Variants in NOVA1 observed in about 807,000 individuals in gnomAD.
NOVA1 encodes the protein NOVA alternative splicing regulator 1, also known as RNA-binding protein Nova-1.
A neutral mutation model predicts 38.0 loss-of-function variants in NOVA1; 7 were observed. The observed-to-expected ratio is 0.18, with a 90% CI of 0.10 to 0.35. The LOEUF is 0.35. NOVA1 is among the 10% of genes least tolerant of loss of function. The pLI, the probability that NOVA1 is intolerant of heterozygous loss-of-function variation, is 1.00. For missense variants in NOVA1, 460 were observed against 616.0 expected (o/e 0.75, Z 2.68); for synonymous variants, 270 against 232.5 (o/e 1.16, Z -1.47).
At chr14:26,566,908 C>T (rs178160) in intron 2 of NOVA1, among the ~76,000 whole-genome samples, 145,132 of 152,216 alleles carry the variant, frequency 0.95, 69,554 homozygotes, top group East Asian at 1. Flanking sequence ...AATCCTTAGA[C>T]AAACATTCAA....
intron 3 of NOVA1, among the ~76,000 whole-genome samples, chr14:26,477,866 T>G (rs1272537719): frequency 6.6e-6 from 1 of 151,990 alleles, no homozygotes; most frequent in African/African-American, 2.4e-5. Context: ...TTACTAGATT[T>G]TTCAAGTAAA....
intron 2 of NOVA1, among the ~76,000 whole-genome samples, chr14:26,545,080 A>AT (rs1319040638): frequency 2.0e-5 from 3 of 152,236 alleles, no homozygotes; most frequent in East Asian, 3.9e-4. Context: ...CTACTTATAA[A>AT]ATGTTCAAAT....
chr14:26,550,062 C>T (rs1891070632), intron 2 of NOVA1, among the ~76,000 whole-genome samples: 1 of 152,000 alleles, frequency 6.6e-6, no homozygotes, highest in Non-Finnish European at 1.5e-5. Context: ...ACTCAATTCA[C>T]AAAATAACAA....
intron 2 of NOVA1, among the ~76,000 whole-genome samples, chr14:26,500,489 T>C (rs1177470933): frequency 6.6e-6 from 1 of 150,994 alleles, no homozygotes; most frequent in Non-Finnish European, 1.5e-5. Flanking sequence ...AAGAAGAGTA[T>C]CCTACCTCCC....
At chr14:26,548,783 TC>T (rs1276982330) in intron 2 of NOVA1, among the ~76,000 whole-genome samples, 1 of 144,548 alleles carries the variant, frequency 6.9e-6, no homozygotes, top group African/African-American at 2.4e-5. Flanking sequence ...TTCCTTCTCT[TC>T]CCCACTTTTT....
rs576063180 is a variant in NOVA1 at position 26,471,784 on chromosome 14, G to T, written c.519+536C>A. Among the ~76,000 whole-genome samples the T allele has an allele frequency of 2.0e-5, 3 of 152,024 alleles. No individual in the cohort carries two copies. The East Asian group carries it at 5.8e-4, about 29-fold the overall frequency. ...CTAAGAAAACACCATCTCCTGAGTT[G>T]TTAAACATTAAAATTACCACAAATA... On this transcript the variant is annotated intron_variant, in intron 4 of 4. Coordinates refer to ENST00000539517, the MANE Select transcript of NOVA1 (RefSeq NM_002515.3).
At chr14:26,579,325 G>T (rs1566555234) in intron 2 of NOVA1, among the ~76,000 whole-genome samples, 1 of 152,074 alleles carries the variant, frequency 6.6e-6, no homozygotes, top group Non-Finnish European at 1.5e-5. Flanking sequence ...CAAATGCTGG[G>T]ATTGCAGGCA....
intron 2 of NOVA1, among the ~76,000 whole-genome samples, chr14:26,508,074 C>T (rs1159978097): frequency 6.6e-6 from 1 of 152,004 alleles, no homozygotes; most frequent in Non-Finnish European, 1.5e-5. Context: ...GAGAGTTCTG[C>T]ACTTTTTGAA....
At chr14:26,583,697 T>C (rs1038520111) in intron 2 of NOVA1, among the ~76,000 whole-genome samples, 10 of 151,506 alleles carry the variant, frequency 6.6e-5, no homozygotes, top group Non-Finnish European at 1.5e-4. Flanking sequence ...TTAAGATTGA[T>C]TCTTATGTGA....
At chr14:26,537,100 C>T (rs1265889495) in intron 2 of NOVA1, among the ~76,000 whole-genome samples, 1 of 151,606 alleles carries the variant, frequency 6.6e-6, no homozygotes, top group Non-Finnish European at 1.5e-5. Context: ...CAATAATATG[C>T]CCTGTGTTAA....
At chr14:26,482,001 A>AAAAAAAAAAAAC (rs1566463350) in intron 2 of NOVA1, among the ~76,000 whole-genome samples, 5 of 150,692 alleles carry the variant, frequency 3.3e-5, no homozygotes, top group African/African-American at 1.2e-4. Flanking sequence ...AAAAAAAAAA[A>AAAAAAAAAAAAC]AAAAAAAAAA....
At chr14:26,594,525 A>G (rs567571638) in intron 2 of NOVA1, 2 of 152,056 alleles carry the variant, frequency 1.3e-5, no homozygotes, top group Non-Finnish European at 2.9e-5. Flanking sequence ...ACCTTTAAAA[A>G]AATCACAGAA....
chr14:26,450,254 G>A (rs1170487351), intron 4 of NOVA1, among the ~76,000 whole-genome samples: 3 of 152,022 alleles, frequency 2.0e-5, no homozygotes, highest in Admixed American at 6.6e-5. Flanking sequence ...ACACAAATGT[G>A]GATAAGAATA....
Position 26,597,847 on chromosome 14 carries a change from G to C in NOVA1, c.-411C>G, listed in dbSNP as rs1291030791. The C allele has an allele frequency of 1.1e-5, 2 of 182,176 alleles. No homozygotes were observed. The highest frequency in any genetic ancestry group is 2.1e-5 in the Non-Finnish European group (2 of 93,838). 11.3% of individuals were successfully genotyped at this position (182,176 alleles called of 1,614,324 possible). A position where few individuals can be genotyped will look rare whatever the true frequency, so the allele number is the denominator to read the frequency against. The stretch of plus-strand genomic sequence containing the variant: ...CTGGCGGGGCGCGGGGAGAAGCCGA[G>C]GAGGAGGGGAGAGTGAGGGAAAGAG... On this transcript the variant is annotated 5_prime_UTR_variant, in exon 1 of 5. Transcript: ENST00000539517.
rs776069373 is a variant in NOVA1 at position 26,547,036 on chromosome 14, T to A, written c.280+48374A>T. On this transcript the variant is annotated intron_variant, in intron 2 of 4. Transcript: ENST00000539517. The stretch of plus-strand genomic sequence containing the variant: ...CCATCTCAAAAAAATAAAATTAAAT[T>A]AAATTAAATTAAAATTCATATAATT... Among the ~76,000 whole-genome samples, 34 of 152,180 alleles carry A rather than the reference T, an allele frequency of 2.2e-4. No individual in the cohort carries two copies. The East Asian group carries it at 2.7e-3, about 12-fold the overall frequency.
intron 2 of NOVA1, among the ~76,000 whole-genome samples, chr14:26,493,960 C>A (rs954857393): frequency 3.2e-4 from 49 of 152,126 alleles, no homozygotes; most frequent in Non-Finnish European, 2.4e-4. Context: ...GGTATCATAC[C>A]CTTAAAATAA....
At chr14:26,529,142 C>CT (rs1038395687) in intron 2 of NOVA1, among the ~76,000 whole-genome samples, 1 of 147,930 alleles carries the variant, frequency 6.8e-6, no homozygotes, top group Admixed American at 6.7e-5. Flanking sequence ...TTTTTTTTTC[C>CT]TTTTTTTTCT....
chr14:26,480,129 C>T lies in NOVA1; in HGVS notation c.295G>A (p.Val99Met). Reference protein sequence around the residue: ...KDFYPGTTERVCLIQGTVEAL... With the variant: ...KDFYPGTTERMCLIQGTVEAL... Reference sequence around the variant, plus strand: ...TCAACCGTTCCCTGGATCAAGCACACTCGCTCAGTAGTACCTGTGGATAAA... The same window carrying T: ...TCAACCGTTCCCTGGATCAAGCACATTCGCTCAGTAGTACCTGTGGATAAA... Residue 99 changes from valine to methionine, a missense_variant, in exon 3 of 5, where the codon GTG becomes ATG. By Grantham distance (21) the Val-to-Met change is conservative. Transcript: ENST00000539517. 6.2e-7 allele frequency: 1 copy of T among 1,613,530 alleles called. No individual in the cohort carries two copies. The highest frequency in any genetic ancestry group is 8.5e-7 in the Non-Finnish European group (1 of 1,179,768).
intron 2 of NOVA1, among the ~76,000 whole-genome samples, chr14:26,552,063 A>C (rs1891193725): frequency 6.6e-6 from 1 of 152,102 alleles, no homozygotes; most frequent in African/African-American, 2.4e-5. Context: ...ATAGCATACA[A>C]CAACTATATG....
Sources: gnomAD v4.1 joint callset for allele counts (sites outside exome capture counted in the v4.1 genomes callset) on GRCh38, gnomAD v4.1.1 for gene constraint, MANE v1.5 for transcripts, NCBI Gene and HGNC (gene_info 2026-07-23, HGNC 2026-07-21) for gene names.